FGA: variants seen among roughly 807,000 people sequenced by gnomAD.
FGA encodes fibrinogen alpha chain, also known as fibrinogen, A alpha polypeptide.
Under a neutral mutation model 20.3 loss-of-function variants are expected in FGA, and 20 were observed. The ratio of observed to expected loss-of-function variants is 0.99; its 90% confidence interval spans 0.69 to 1.43. The LOEUF (loss-of-function observed/expected upper bound fraction) is 1.43, where lower values mean the gene tolerates loss of function less well. Among genes scored for constraint, FGA ranks in the 40% most tolerant of loss-of-function variants. The pLI is 0.00. For synonymous variants in FGA, 306 were observed against 281.6 expected (o/e 1.09, Z -0.87); for missense variants, 777 against 784.7 (o/e 0.99, Z 0.12).
chr4:154,586,521 C>T lies in FGA; in HGVS notation c.908G>A (p.Gly303Glu), dbSNP rs752326694. ...CCCAGGGTTTCGGTTTCCAGTACTT[C>T]CAGGTCCAGAGCTCCCAGAGTTCCA... Reference protein sequence around the residue: ...GSWNSGSSGPGSTGNRNPGSS... With the variant: ...GSWNSGSSGPESTGNRNPGSS... Residue 303 changes from glycine (G) to glutamate (E), a missense_variant, in exon 5 of 5, where the codon GGA (glycine) becomes GAA (glutamate). Gly to Glu is a moderately conservative substitution (Grantham distance 98, BLOSUM62 -2). Coordinates refer to ENST00000403106, the MANE Select transcript of FGA (RefSeq NM_021871.4). 1.2e-4 allele frequency: 193 copies of T among 1,613,628 alleles called. No individual in the cohort carries two copies. The highest frequency in any genetic ancestry group is 1.6e-4 in the Non-Finnish European group (184 of 1,179,968).
intron 3 of FGA, 114 bp from the exon 4 acceptor site, chr4:154,587,771 G>GAAAGAAAGAAAGAAAGAA (rs1730770255): frequency 1.5e-6 from 1 of 658,906 alleles, no homozygotes. Context: ...AAGAAAGAAA[G>GAAAGAAAGAAAGAAAGAA]AAAGAAAGAA....
At position 154,585,692 on chromosome 4, in the gene FGA, G is replaced by A. The variant is rs1730689867; in HGVS notation, c.1737C>T (p.Tyr579=). Residue 579 remains tyrosine, a synonymous_variant, in exon 5 of 5, where the codon TAC becomes TAT. Coordinates refer to ENST00000403106, the MANE Select transcript of FGA (RefSeq NM_021871.4). ...EFPSRGKSSS[Y]SKQFTSSTSY... ...TCGTGCTACTAGTAAATTGTTTGCTGTAACTTGAAGATTTACCACGGGAAG... is the reference window on the plus strand; with the variant it reads ...TCGTGCTACTAGTAAATTGTTTGCTATAACTTGAAGATTTACCACGGGAAG... 5 of 1,614,172 alleles carry A rather than the reference G, an allele frequency of 3.1e-6. No individual in the cohort carries two copies. Among genetic ancestry groups the A allele is most frequent in the Non-Finnish European group, 4.2e-6 (5 of 1,180,014 alleles).
In FGA at chr4:154,587,769, A is replaced by AAGAAAGAAAGAG. The variant is rs1730770045; in HGVS notation, c.365-113_365-112insCTCTTTCTTTCT. 3 of 678,416 alleles carry AAGAAAGAAAGAG rather than the reference A, an allele frequency of 4.4e-6. 1 individual carries two copies. In the Admixed American group the frequency reaches 8.5e-5, roughly 19 times the overall value. The allele number at this position is 678,416 out of a possible 1,614,324, so 42.0% of individuals were successfully genotyped here. On this transcript the variant is annotated intron_variant, in intron 3 of 4. Coordinates refer to ENST00000403106, the MANE Select transcript of FGA (RefSeq NM_021871.4). Reference sequence around the variant, plus strand: ...GGAGAAAGAAAGAAAGAAAGAAAGAAAGAAAGAAAGAAAGAAAGAAAGAAA... The same window carrying AAGAAAGAAAGAG: ...GGAGAAAGAAAGAAAGAAAGAAAGAAAGAAAGAAAGAGAGAAAGAAAGAAAGAAAGAAAGAAA...
Position 154,586,231 on chromosome 4 carries a change from AG to A in FGA, c.1197del (p.Ser400LeufsTer21). 2 of 1,614,060 alleles carry A rather than the reference AG, an allele frequency of 1.2e-6. No individual in the cohort carries two copies. The highest frequency in any genetic ancestry group is 1.7e-6 in the Non-Finnish European group (2 of 1,179,976). ...GGGTTGTTAGGCCTCGCGTTCCCAG[AG>A]CCTGGGCTATCTGGCCTAAAACTTC... ...ESGSFRPDSP[G>X]SGNARPNNPD... is the part of the protein sequence containing the mutation. On this transcript the variant is annotated frameshift_variant, in exon 5 of 5. Coordinates refer to ENST00000403106, the MANE Select transcript of FGA (RefSeq NM_021871.4). LOFTEE classifies it low-confidence loss of function (END_TRUNC).
In FGA at chr4:154,585,328, C is replaced by T; in HGVS notation, c.*166G>A. The T allele has an allele frequency of 2.5e-6, 3 of 1,177,936 alleles. No homozygotes were observed. The highest frequency in any genetic ancestry group is 3.3e-5 in the South Asian group (2 of 60,908). 73.0% of individuals were successfully genotyped at this position (1,177,936 alleles called of 1,614,324 possible). On this transcript the variant is annotated 3_prime_UTR_variant, in exon 5 of 5. Transcript: ENST00000403106. ...TGAGTCATGGCTCTGTACTGTTAGGCATTTGGGAATACAGAGATGAGACAG... is the reference window on the plus strand; with the variant it reads ...TGAGTCATGGCTCTGTACTGTTAGGTATTTGGGAATACAGAGATGAGACAG...
At chr4:154,583,422 A>T (rs757798143), downstream of FGA, 5 of 152,308 alleles carry the variant, frequency 3.3e-5, no homozygotes, top group East Asian at 9.6e-4. Flanking sequence ...TAATGTGTGA[A>T]TTATGTCTTT....
In FGA at chr4:154,586,529, A is replaced by G. The variant is rs777770166; in HGVS notation, c.900T>C (p.Ser300=). 1.9e-6 allele frequency: 3 copies of G among 1,614,122 alleles called. No homozygotes were observed. Among genetic ancestry groups the G allele is most frequent in the Non-Finnish European group, 2.5e-6 (3 of 1,180,002 alleles). Residue 300 remains serine (S), a synonymous_variant, in exon 5 of 5, where the codon TCT becomes TCC. Transcript: ENST00000403106. ...TTCGGTTTCCAGTACTTCCAGGTCC[A>G]GAGCTCCCAGAGTTCCAGCTTCCAG... The part of the protein sequence containing the change: ...SSAGSWNSGS[S]GPGSTGNRNP...
At position 154,589,560 on chromosome 4, in the gene FGA, A is replaced by G; in HGVS notation, c.57T>C (p.Thr19=). 1.2e-6 allele frequency: 2 copies of G among 1,613,052 alleles called. No homozygotes were observed. The highest frequency in any genetic ancestry group is 1.7e-6 in the Non-Finnish European group (2 of 1,179,958). The change falls in exon 2 of 5, where the codon ACT becomes ACC. Residue 19 remains threonine (T), a splice_region_variant and synonymous_variant. Transcript: ENST00000403106. ...LVLSVVGTAW[T]ADSGEGDFLA... is the part of the protein sequence containing the mutation. The stretch of plus-strand genomic sequence containing the variant: ...GAAAGTCACCTTCACCACTATCTGC[A>G]GTCTTTAAAGATTCATTCACATACA...
downstream of FGA, chr4:154,584,322 T>C (rs200427267): frequency 2.3e-5 from 37 of 1,614,148 alleles, no homozygotes; most frequent in East Asian, 5.1e-4. Context: ...CCCCATAGAC[T>C]TCTGCACAGT....
At chr4:154,583,962 G>A (rs1730644157), downstream of FGA, 2 of 647,032 alleles carry the variant, frequency 3.1e-6, no homozygotes, top group African/African-American at 3.7e-5. Flanking sequence ...ATTTTTCAAA[G>A]ACTAATATGT....
chr4:154,587,587 G>A lies in FGA; in HGVS notation c.435C>T (p.Val145=). ...RSRIEVLKRK[V]IEKVQHIQLL... is the part of the protein sequence containing the mutation. ...GCTGGATATGCTGTACTTTTTCTATGACTTTGCGCTTCAGGACTTCAATTC... is the reference window on the plus strand; with the variant it reads ...GCTGGATATGCTGTACTTTTTCTATAACTTTGCGCTTCAGGACTTCAATTC... Residue 145 remains valine, a synonymous_variant, in exon 4 of 5, where the codon GTC becomes GTT. Transcript: ENST00000403106. 1.9e-6 allele frequency: 3 copies of A among 1,613,680 alleles called. No homozygotes were observed. The highest frequency in any genetic ancestry group is 1.1e-5 in the South Asian group (1 of 91,040).
intron 4 of FGA, among the ~76,000 whole-genome samples, chr4:154,587,289 T>C (rs866216586): frequency 7.2e-5 from 11 of 152,164 alleles, no homozygotes; most frequent in African/African-American, 2.2e-4. Context: ...GGACTGAACA[T>C]TTGCTTTTGA....
rs1455502119 is a variant in FGA, at chr4:154,587,647, AT to A, written c.374del (p.Asn125IlefsTer10). 1 of 1,613,804 alleles carries A rather than the reference AT, an allele frequency of 6.2e-7. No homozygotes were observed. Among genetic ancestry groups the A allele is most frequent in the Admixed American group, 1.7e-5 (1 of 59,986 alleles). The part of the protein sequence containing the change: ...GDFSSANNRD[N>X]TYNRVSEDLR... ...GATCCTCTGACACTCGGTTGTAGGT[AT>A]TATCACGGTCTGAAATCGAAAATAT... On this transcript the variant is annotated frameshift_variant, in exon 4 of 5. Coordinates refer to ENST00000403106, the MANE Select transcript of FGA (RefSeq NM_021871.4). LOFTEE classifies it high-confidence loss of function.
downstream of FGA, chr4:154,584,846 T>A (rs773980436): frequency 4.0e-5 from 62 of 1,561,438 alleles, no homozygotes; most frequent in East Asian, 1.3e-3. Context: ...AAAAAAAAAA[T>A]TAAGCTGGTT....
At chr4:154,584,592 A>T (rs781425357), downstream of FGA, 38 of 1,613,974 alleles carry the variant, frequency 2.4e-5, no homozygotes, top group Non-Finnish European at 3.2e-5. Context: ...GGAGGTAGTC[A>T]TTGCCTAGCC....
rs760992799 is a variant in FGA, at chr4:154,586,506, C to T, written c.923G>A (p.Arg308Gln). 2.0e-5 allele frequency: 33 copies of T among 1,613,484 alleles called. No individual in the cohort carries two copies. Among genetic ancestry groups the T allele is most frequent in the Middle Eastern group, 1.6e-4 (1 of 6,082 alleles). Reference protein sequence around the residue: ...GSSGPGSTGNRNPGSSGTGGT... With the variant: ...GSSGPGSTGNQNPGSSGTGGT... ...TCCAGTCCCAGAGCTCCCAGGGTTTCGGTTTCCAGTACTTCCAGGTCCAGA... is the reference window on the plus strand; with the variant it reads ...TCCAGTCCCAGAGCTCCCAGGGTTTTGGTTTCCAGTACTTCCAGGTCCAGA... The change falls in exon 5 of 5, where the codon CGA (arginine) becomes CAA (glutamine). Residue 308 changes from arginine to glutamine, a missense_variant. Coordinates refer to ENST00000403106, the MANE Select transcript of FGA (RefSeq NM_021871.4).
At chr4:154,584,950 TC>T (rs1262420048), downstream of FGA, 5 of 860,964 alleles carry the variant, frequency 5.8e-6, no homozygotes, top group South Asian at 4.4e-5. Flanking sequence ...TCTTTCTTCC[TC>T]CTTTCCTTCC....
rs758998082 is a variant in FGA, at chr4:154,586,872, C to T, written c.557G>A (p.Arg186Lys). Residue 186 changes from arginine to lysine, a missense_variant, in exon 5 of 5, where the codon AGG (arginine) becomes AAG (lysine). Coordinates refer to ENST00000403106, the MANE Select transcript of FGA (RefSeq NM_021871.4). ...CAGATCTACTTCACGAGCTAAAGCC[C>T]TACTGCATGACCCTCGACAAGATCG... Reference protein sequence around the residue: ...KIRSCRGSCSRALAREVDLKD... With the variant: ...KIRSCRGSCSKALAREVDLKD... The T allele has an allele frequency of 5.1e-5, 82 of 1,613,946 alleles. No individual in the cohort carries two copies. Among genetic ancestry groups the T allele is most frequent in the Non-Finnish European group, 6.5e-5 (77 of 1,180,004 alleles).
intron 3 of FGA, among the ~76,000 whole-genome samples, 189 bp downstream of exon 3, chr4:154,588,604 T>C (rs973378384): frequency 1.3e-5 from 2 of 152,210 alleles, no homozygotes; most frequent in African/African-American, 4.8e-5. Context: ...TCAGTTAACA[T>C]CTTTTACTTT....
Sources: allele counts gnomAD v4.1 joint callset (sites outside exome capture counted in the v4.1 genomes callset), GRCh38; gene constraint gnomAD v4.1.1; transcripts MANE v1.5; gene names NCBI Gene and HGNC (gene_info 2026-07-23, HGNC 2026-07-21).